Variants in EDEM3 observed in about 807,000 individuals in gnomAD.
The protein encoded by EDEM3 is ER degradation enhancing alpha-mannosidase like protein 3, also known as ER degradation-enhancing alpha-mannosidase-like protein 3.
Under a neutral mutation model 110.2 loss-of-function variants are expected in EDEM3, and 60 were observed. The ratio of observed to expected loss-of-function variants is 0.54; its 90% confidence interval spans 0.44 to 0.67. The LOEUF (loss-of-function observed/expected upper bound fraction) is 0.67. Among genes scored for constraint, EDEM3 ranks in the 30% least tolerant of loss-of-function variants. The probability of loss-of-function intolerance (pLI) is 0.00; values close to 1 mark genes in which losing one functional copy is unlikely to be tolerated. For synonymous variants in EDEM3, 352 were observed against 382.9 expected (o/e 0.92, Z 0.94); for missense variants, 996 against 1,121.0 (o/e 0.89, Z 1.59).
chr1:184,695,798 G>A (rs925781846), intron 19 of EDEM3, among the ~76,000 whole-genome samples: 2 of 151,992 alleles, frequency 1.3e-5, no homozygotes, highest in African/African-American at 4.8e-5. Flanking sequence ...TGTCAAAGAA[G>A]GGAGGGAAGA....
intron 19 of EDEM3, among the ~76,000 whole-genome samples, chr1:184,697,343 C>T (rs979174558): frequency 1.8e-4 from 28 of 151,844 alleles, no homozygotes; most frequent in African/African-American, 6.7e-4. Flanking sequence ...CTCATTTGTA[C>T]TTCTTGTTTT....
intron 15 of EDEM3, 107 bp from the exon 16 acceptor site, chr1:184,710,654 A>G (rs1050632212): frequency 2.0e-5 from 26 of 1,280,412 alleles, no homozygotes; most frequent in African/African-American, 1.5e-4. Context: ...TAGTTTTAGA[A>G]CTAGTGAAAC....
rs751958649 is a variant in EDEM3 at position 184,690,295 on chromosome 1, T to C, written c.*3768A>G. Reference sequence around the variant, plus strand: ...CATTACCTTTGTGCATGCTACTGACTTGTTGAAAAACTTTCAGTGATTTCT... The same window carrying C: ...CATTACCTTTGTGCATGCTACTGACCTGTTGAAAAACTTTCAGTGATTTCT... On this transcript the variant is annotated 3_prime_UTR_variant, in exon 20 of 20. Coordinates refer to ENST00000318130, the MANE Select transcript of EDEM3 (RefSeq NM_025191.4). 4 of 152,366 alleles carry C rather than the reference T, an allele frequency of 2.6e-5. No homozygotes were observed. Among genetic ancestry groups the C allele is most frequent in the Admixed American group, 6.5e-5 (1 of 15,276 alleles). 9.4% of individuals were successfully genotyped at this position (152,366 alleles called of 1,614,324 possible). A position where few individuals can be genotyped will look rare whatever the true frequency, so the allele number is the denominator to read the frequency against.
At chr1:184,729,407 T>C (rs914609039) in intron 6 of EDEM3, among the ~76,000 whole-genome samples, 1 of 152,224 alleles carries the variant, frequency 6.6e-6, no homozygotes, top group South Asian at 2.1e-4. Context: ...TTATATTTTA[T>C]GGATATAATC....
chr1:184,747,411 G>A (rs1362594361), intron 2 of EDEM3, among the ~76,000 whole-genome samples: 2 of 152,046 alleles, frequency 1.3e-5, no homozygotes, highest in Non-Finnish European at 2.9e-5. Context: ...ACAAATACAA[G>A]GCAACTGTAT....
chr1:184,705,743 CA>C (rs1437596948), intron 18 of EDEM3, among the ~76,000 whole-genome samples: 1 of 151,944 alleles, frequency 6.6e-6, no homozygotes, highest in Non-Finnish European at 1.5e-5. Flanking sequence ...AGAAGCTGTA[CA>C]AAAGAACTCA....
Position 184,754,629 on chromosome 1 carries a change from G to A in EDEM3, c.18C>T (p.Gly6=), listed in dbSNP as rs747220849. 21 of 1,589,904 alleles carry A rather than the reference G, an allele frequency of 1.3e-5. No homozygotes were observed. In the Admixed American group the frequency reaches 3.4e-4, roughly 26 times the overall value. ...GGGGAACCGGGGACCCACAGCCCCG[G>A]CCGCCGGCTTCGCTCATGGCCCCGC... MSEAG[G]RGCGSPVPQR... Residue 6 remains glycine (G), a synonymous_variant, in exon 1 of 20, where the codon GGC becomes GGT. Transcript: ENST00000318130.
At chr1:184,727,600 A>G (rs1458171559) in intron 6 of EDEM3, among the ~76,000 whole-genome samples, 1 of 152,170 alleles carries the variant, frequency 6.6e-6, no homozygotes, top group Non-Finnish European at 1.5e-5. Flanking sequence ...GCATTTCTAA[A>G]CAAACACCCC....
chr1:184,708,319 T>C lies in EDEM3; in HGVS notation c.1871A>G (p.Asp624Gly). The change falls in exon 17 of 20, where the codon GAT becomes GGT. Residue 624 changes from aspartate to glycine, a missense_variant. Asp to Gly is a moderately conservative substitution (Grantham distance 94, BLOSUM62 -1). This residue lies in a region of EDEM3 where 345 missense variants were observed against 402.0 expected (regional missense o/e 0.86). Coordinates refer to ENST00000318130, the MANE Select transcript of EDEM3 (RefSeq NM_025191.4). ...CATCTCCTGCATGAACCTCAACCCA[T>C]CTTCAGCGTCGATTGAACTAGCAGC... is the stretch of plus-strand genomic sequence containing the variant. ...IQAASSIDAEDGLRFMQEMIE... is the reference protein window; with the variant it reads ...IQAASSIDAEGGLRFMQEMIE... The C allele has an allele frequency of 6.2e-7, 1 of 1,612,284 alleles. No homozygotes were observed. Among genetic ancestry groups the C allele is most frequent in the Non-Finnish European group, 8.5e-7 (1 of 1,179,576 alleles).
intron 19 of EDEM3, among the ~76,000 whole-genome samples, chr1:184,696,848 GT>G (rs1448640880): frequency 6.6e-6 from 1 of 151,882 alleles, no homozygotes; most frequent in Admixed American, 6.6e-5. Context: ...GTTTTACCTG[GT>G]AATGAAGATT....
At chr1:184,743,437 T>C (rs1247146452) in intron 2 of EDEM3, among the ~76,000 whole-genome samples, 2 of 152,042 alleles carry the variant, frequency 1.3e-5, no homozygotes, top group Admixed American at 6.6e-5. Flanking sequence ...GAGAGTCCTA[T>C]ATAAATTAAG....
intron 6 of EDEM3, among the ~76,000 whole-genome samples, chr1:184,732,349 G>A (rs1651577691): frequency 6.6e-6 from 1 of 152,074 alleles, no homozygotes; most frequent in Non-Finnish European, 1.5e-5. Context: ...GGGAGGGGAT[G>A]GTTAACGGGT....
intron 9 of EDEM3, 38 bp downstream of exon 9, chr1:184,721,247 CAAAT>C (rs752919258): frequency 1.8e-5 from 27 of 1,472,724 alleles, no homozygotes; most frequent in African/African-American, 2.9e-5. Context: ...AATCTGGACT[CAAAT>C]GAAGTTGATT....
chr1:184,723,864 TTAA>T lies in EDEM3; in HGVS notation c.748-11_748-9del. 1.1e-5 allele frequency: 14 copies of T among 1,304,290 alleles called. No individual in the cohort carries two copies. The highest frequency in any genetic ancestry group is 2.1e-4 in the Middle Eastern group (1 of 4,878). The allele number at this position is 1,304,290 out of a possible 1,614,324, so 80.8% of individuals were successfully genotyped here. ...AGCTTTTCTGGCATATTCCTGTAATTTAAAAAAAAAAAAAAAAAAAAGAAGTGC... is the reference window on the plus strand; with the variant it reads ...AGCTTTTCTGGCATATTCCTGTAATTAAAAAAAAAAAAAAAAAAGAAGTGC... On this transcript the variant is annotated splice_polypyrimidine_tract_variant and intron_variant, in intron 7 of 19. Transcript: ENST00000318130.
intron 19 of EDEM3, chr1:184,701,686 G>A: frequency 1.6e-5 from 7 of 426,270 alleles, no homozygotes; most frequent in Non-Finnish European, 2.7e-5. Context: ...AAAGGGCCCA[G>A]GAAAAAAAAA....
chr1:184,745,875 G>A (rs1343245247), intron 2 of EDEM3, among the ~76,000 whole-genome samples: 1 of 152,076 alleles, frequency 6.6e-6, no homozygotes. Context: ...AAAAACACTG[G>A]GAGCTCCAAA....
rs1649202320 is a variant in EDEM3 at position 184,694,085 on chromosome 1, A to G, written c.2777T>C (p.Met926Thr). The change falls in exon 20 of 20, where the codon ATG (methionine) becomes ACG (threonine). Residue 926 changes from methionine to threonine, a missense_variant. This residue lies in a region of EDEM3 where 345 missense variants were observed against 402.0 expected (regional missense o/e 0.86). Coordinates refer to ENST00000318130, the MANE Select transcript of EDEM3 (RefSeq NM_025191.4). ...DWNEDIEAFE[M>T]MEKDEL is the part of the protein sequence containing the mutation. The stretch of plus-strand genomic sequence containing the variant: ...AAGTCATAGCTCATCCTTCTCCATC[A>G]TTTCAAATGCTTCTATATCTTCATT... 2 of 1,612,318 alleles carry G rather than the reference A, an allele frequency of 1.2e-6. No individual in the cohort carries two copies. Among genetic ancestry groups the G allele is most frequent in the Non-Finnish European group, 1.7e-6 (2 of 1,179,132 alleles).
Position 184,724,021 on chromosome 1 carries a change from C to T in EDEM3, c.748-165G>A, listed in dbSNP as rs567563626. ...TTTATAAACAAATTTCCTTAAAACTCAAAGCTTGGCTCTTTTTCAACCAAT... is the reference window on the plus strand; with the variant it reads ...TTTATAAACAAATTTCCTTAAAACTTAAAGCTTGGCTCTTTTTCAACCAAT... On this transcript the variant is annotated intron_variant, in intron 7 of 19. Coordinates refer to ENST00000318130, the MANE Select transcript of EDEM3 (RefSeq NM_025191.4). 2.1e-3 allele frequency among the ~76,000 whole-genome samples: 313 copies of T among 151,994 alleles called. 1 individual carries two copies. The highest frequency in any genetic ancestry group is 7.2e-3 in the African/African-American group (297 of 41,500).
At position 184,735,618 on chromosome 1, in the gene EDEM3, C is replaced by A. The variant is rs755376012; in HGVS notation, c.346-975G>T. On this transcript the variant is annotated intron_variant, in intron 4 of 19. Coordinates refer to ENST00000318130, the MANE Select transcript of EDEM3 (RefSeq NM_025191.4). ...TAAAAATTCTAATTTATAAAACATT[C>A]CATAAGAGTATCTCCCTAAATTCAG... 1.4e-4 allele frequency among the ~76,000 whole-genome samples: 21 copies of A among 152,130 alleles called. 1 individual carries two copies. The highest frequency in any genetic ancestry group is 1.8e-4 in the Non-Finnish European group (12 of 68,014).
Sources: allele counts gnomAD v4.1 joint callset (sites outside exome capture counted in the v4.1 genomes callset), GRCh38; gene constraint gnomAD v4.1.1; regional missense constraint gnomAD v4.1.1; transcripts MANE v1.5; gene names NCBI Gene and HGNC (gene_info 2026-07-23, HGNC 2026-07-21).